The following CDH12 variants were observed in gnomAD, a reference collection of about 807,000 sequenced individuals.
CDH12 encodes cadherin-12.
In CDH12, 41 loss-of-function variants were observed where a neutral mutation model predicts 74.1. The ratio of observed to expected loss-of-function variants is 0.55; its 90% CI spans 0.43 to 0.72. The LOEUF (loss-of-function observed/expected upper bound fraction) is 0.72. Among genes scored for constraint, CDH12 ranks in the 30% least tolerant of loss-of-function variants. The probability of loss-of-function intolerance (pLI) is 0.00; values close to 1 mark genes in which losing one functional copy is unlikely to be tolerated. For synonymous variants in CDH12, 399 were observed against 355.0 expected (o/e 1.12, Z -1.39); for missense variants, 945 against 977.2 (o/e 0.97, Z 0.44).
chr5:22,794,042 C>G (rs1340594903), intron 1 of CDH12, among the ~76,000 whole-genome samples: 1 of 152,162 alleles, frequency 6.6e-6, no homozygotes, highest in Non-Finnish European at 1.5e-5. Context: ...CTGAAACACT[C>G]AGTCTCACTT....
At chr5:22,333,627 A>G (rs1228633105) in intron 3 of CDH12, among the ~76,000 whole-genome samples, 1 of 152,176 alleles carries the variant, frequency 6.6e-6, no homozygotes, top group Admixed American at 6.5e-5. Flanking sequence ...TATCAAATGC[A>G]TTCTAGAAGG....
intron 3 of CDH12, among the ~76,000 whole-genome samples, chr5:22,378,592 A>G (rs1310711208): frequency 6.6e-6 from 1 of 152,112 alleles, no homozygotes; most frequent in East Asian, 1.9e-4. Flanking sequence ...ACTTCTAAAA[A>G]CTAAGAGAAC....
At chr5:22,618,715 T>C (rs1181146801) in intron 1 of CDH12, among the ~76,000 whole-genome samples, 5 of 152,120 alleles carry the variant, frequency 3.3e-5, no homozygotes, top group Non-Finnish European at 7.4e-5. Flanking sequence ...AAAGTCCTTC[T>C]GATTTGGTTT....
intron 4 of CDH12, among the ~76,000 whole-genome samples, chr5:22,084,085 T>C (rs1742913275): frequency 6.6e-6 from 1 of 152,136 alleles, no homozygotes; most frequent in Non-Finnish European, 1.5e-5. Context: ...ACATGGTCAC[T>C]GTTCTCATAG....
At chr5:22,036,931 A>T (rs993985292) in intron 5 of CDH12, among the ~76,000 whole-genome samples, 1 of 152,216 alleles carries the variant, frequency 6.6e-6, no homozygotes, top group Non-Finnish European at 1.5e-5. Context: ...ATGAATATTG[A>T]TCTTAAGAAG....
chr5:21,770,988 A>G (rs1423128770), intron 11 of CDH12, among the ~76,000 whole-genome samples: 3 of 152,160 alleles, frequency 2.0e-5, no homozygotes, highest in African/African-American at 2.4e-5. Context: ...CATGTTCTCA[A>G]TTGTAAGTGG....
At chr5:22,413,722 T>C (rs1743260836) in intron 2 of CDH12, among the ~76,000 whole-genome samples, 1 of 151,990 alleles carries the variant, frequency 6.6e-6, no homozygotes, top group African/African-American at 2.4e-5. Context: ...TAGACACACA[T>C]ACATATAGAA....
chr5:22,220,282 A>G (rs1166836476), intron 3 of CDH12, among the ~76,000 whole-genome samples: 1 of 151,744 alleles, frequency 6.6e-6, no homozygotes, highest in African/African-American at 2.4e-5. Flanking sequence ...TATTGAGAAA[A>G]TATTGTGCAT....
At chr5:21,876,050 C>T (rs1751922369) in intron 6 of CDH12, among the ~76,000 whole-genome samples, 1 of 152,000 alleles carries the variant, frequency 6.6e-6, no homozygotes, top group Admixed American at 6.6e-5. Flanking sequence ...TGCACGCCAC[C>T]ATGCCCAGCT....
At chr5:21,765,416 G>C (rs1744966198) in intron 11 of CDH12, among the ~76,000 whole-genome samples, 2 of 151,814 alleles carry the variant, frequency 1.3e-5, no homozygotes, top group Non-Finnish European at 2.9e-5. Context: ...TTTTTCCCCA[G>C]ATGAAAAATT....
intron 1 of CDH12, among the ~76,000 whole-genome samples, chr5:22,836,286 C>T (rs529061366): frequency 1.5e-4 from 18 of 119,326 alleles, no homozygotes; most frequent in South Asian, 1.2e-3. Context: ...TGCAGTGATG[C>T]GATCTCAGCT....
At chr5:22,016,897 G>C (rs77085780) in intron 5 of CDH12, among the ~76,000 whole-genome samples, 2 of 152,026 alleles carry the variant, frequency 1.3e-5, no homozygotes, top group Admixed American at 1.3e-4. Context: ...GGGATATTGA[G>C]ACTACATTTA....
At chr5:22,029,310 T>C (rs1210067717) in intron 5 of CDH12, among the ~76,000 whole-genome samples, 6 of 152,030 alleles carry the variant, frequency 3.9e-5, no homozygotes, top group Non-Finnish European at 2.9e-5. Flanking sequence ...GAAACTACCA[T>C]CAGAGTGAAC....
chr5:22,159,729 CTT>C (rs1748219059), intron 4 of CDH12, among the ~76,000 whole-genome samples: 1 of 152,138 alleles, frequency 6.6e-6, no homozygotes. Flanking sequence ...AATCCATAAA[CTT>C]TGTTACAGCG....
intron 3 of CDH12, among the ~76,000 whole-genome samples, chr5:22,242,384 TATTA>T (rs1375749511): frequency 1.3e-5 from 2 of 152,228 alleles, no homozygotes; most frequent in African/African-American, 2.4e-5. Flanking sequence ...GAGACCATTC[TATTA>T]ATTATAACTC....
chr5:22,556,311 T>G (rs938682382), intron 1 of CDH12, among the ~76,000 whole-genome samples: 2 of 152,040 alleles, frequency 1.3e-5, no homozygotes, highest in African/African-American at 2.4e-5. Context: ...CAATGCCAAG[T>G]GCAAAATATG....
chr5:22,043,946 A>G (rs1270408460), intron 5 of CDH12, among the ~76,000 whole-genome samples: 1 of 152,210 alleles, frequency 6.6e-6, no homozygotes, highest in Admixed American at 6.5e-5. Flanking sequence ...GAGGTTACAA[A>G]TAAGTGGAAA....
chr5:22,805,301 C>T (rs1748726750), intron 1 of CDH12, among the ~76,000 whole-genome samples: 1 of 151,848 alleles, frequency 6.6e-6, no homozygotes, highest in South Asian at 2.1e-4. Context: ...CTATAGTTTC[C>T]TGCATTGATG....
At chr5:22,723,801 G>A (rs1449311164) in intron 1 of CDH12, among the ~76,000 whole-genome samples, 1 of 151,982 alleles carries the variant, frequency 6.6e-6, no homozygotes, top group African/African-American at 2.4e-5. Flanking sequence ...ATAAGTGATG[G>A]TGTCACTAAT....
Sources: gnomAD v4.1 joint callset for allele counts (sites outside exome capture counted in the v4.1 genomes callset) on GRCh38, gnomAD v4.1.1 for gene constraint, MANE v1.5 for transcripts, NCBI Gene and HGNC (gene_info 2026-07-23, HGNC 2026-07-21) for gene names.